The following CACNA1D variants were observed in gnomAD, a reference collection of about 807,000 sequenced individuals.
CACNA1D encodes the protein calcium voltage-gated channel subunit alpha1 D, also known as voltage-dependent L-type calcium channel subunit alpha-1D.
Under a neutral mutation model 257.1 loss-of-function variants are expected in CACNA1D, and 55 were observed. The ratio of observed to expected loss-of-function variants is 0.21; its 90% CI spans 0.17 to 0.27. The LOEUF (loss-of-function observed/expected upper bound fraction) is 0.27, where lower values mean the gene tolerates loss of function less well. Among genes scored for constraint, CACNA1D ranks in the 10% least tolerant of loss-of-function variants. The pLI is 1.00. For missense variants in CACNA1D, 1,876 were observed against 2,784.0 expected (o/e 0.67, Z 7.34); for synonymous variants, 980 against 1,014.9 (o/e 0.97, Z 0.65).
chr3:53,629,875 A>C (rs568005569), intron 3 of CACNA1D, among the ~76,000 whole-genome samples: 3 of 152,336 alleles, frequency 2.0e-5, no homozygotes, highest in Non-Finnish European at 2.9e-5. Context: ...ATTTAAATAC[A>C]TATTGCATTG....
intron 9 of CACNA1D, among the ~76,000 whole-genome samples, chr3:53,713,580 T>G (rs2094786852): frequency 6.7e-6 from 1 of 149,972 alleles, no homozygotes; most frequent in Non-Finnish European, 1.5e-5. Context: ...CCTGACACAT[T>G]TGGCTGAGAC....
intron 43 of CACNA1D, 120 bp from the exon 44 acceptor site, chr3:53,803,303 T>G (rs1576721308): frequency 1.2e-5 from 12 of 1,029,726 alleles, no homozygotes. Flanking sequence ...CTGAGGCAGG[T>G]GCGCGCTGGG....
chr3:53,654,351 A>G (rs549215036), intron 4 of CACNA1D, among the ~76,000 whole-genome samples: 22 of 152,364 alleles, frequency 1.4e-4, no homozygotes, highest in Admixed American at 5.2e-4. Flanking sequence ...AGCAAAAATA[A>G]TAACAGTGTA....
chr3:53,705,493 C>T (rs1182100037), intron 9 of CACNA1D, among the ~76,000 whole-genome samples: 1 of 152,152 alleles, frequency 6.6e-6, no homozygotes, highest in Non-Finnish European at 1.5e-5. Context: ...CTGCTATGCA[C>T]CGTGATGTGT....
chr3:53,737,185 G>A (rs898437689), intron 20 of CACNA1D, among the ~76,000 whole-genome samples: 1 of 151,166 alleles, frequency 6.6e-6, no homozygotes, highest in African/African-American at 2.4e-5. Context: ...CTGTAGTCCC[G>A]ACTACTCGGG....
chr3:53,719,734 C>A (rs1576454013), intron 10 of CACNA1D, 21 bp from the exon 11 acceptor site: 1 of 1,612,112 alleles, frequency 6.2e-7, no homozygotes. Flanking sequence ...AGAATCTTAA[C>A]ACTTTTTGTC....
chr3:53,590,994 G>A (rs901719661), intron 3 of CACNA1D, among the ~76,000 whole-genome samples: 5 of 152,146 alleles, frequency 3.3e-5, no homozygotes, highest in African/African-American at 1.2e-4. Context: ...CATTTGAGGA[G>A]GCACTGGACC....
chr3:53,638,397 G>A (rs2093910649), intron 3 of CACNA1D, among the ~76,000 whole-genome samples: 1 of 152,216 alleles, frequency 6.6e-6, no homozygotes, highest in South Asian at 2.1e-4. Context: ...TACATTGTGA[G>A]TATACTAACT....
intron 30 of CACNA1D, among the ~76,000 whole-genome samples, chr3:53,763,553 C>T (rs934288124): frequency 1.3e-5 from 2 of 152,138 alleles, no homozygotes; most frequent in South Asian, 2.1e-4. Flanking sequence ...AGAGAGTGGG[C>T]GGAGCACGGG....
At chr3:53,787,457 GTA>G (rs1553682651) in intron 40 of CACNA1D, among the ~76,000 whole-genome samples, 5 of 151,654 alleles carry the variant, frequency 3.3e-5, no homozygotes, top group African/African-American at 9.7e-5. Flanking sequence ...GTGTGTGTAT[GTA>G]TGTATGTGTG....
chr3:53,687,240 C>G (rs1320561258), intron 8 of CACNA1D, among the ~76,000 whole-genome samples: 2 of 152,054 alleles, frequency 1.3e-5, no homozygotes, highest in Non-Finnish European at 1.5e-5. Context: ...TTATAAATCT[C>G]AATAGCCTTT....
At chr3:53,587,592 G>C (rs993553833) in intron 3 of CACNA1D, among the ~76,000 whole-genome samples, 10 of 152,124 alleles carry the variant, frequency 6.6e-5, no homozygotes, top group African/African-American at 9.7e-5. Context: ...GTGGGCTGGA[G>C]GTGCAAATTC....
At chr3:53,500,114 G>A (rs969394137) in intron 2 of CACNA1D, among the ~76,000 whole-genome samples, 13 of 151,818 alleles carry the variant, frequency 8.6e-5, no homozygotes, top group Admixed American at 1.3e-4. Context: ...TCCAGAGGCC[G>A]GGCACAGTGG....
chr3:53,643,060 G>A (rs1312044408), intron 3 of CACNA1D, among the ~76,000 whole-genome samples: 2 of 152,176 alleles, frequency 1.3e-5, no homozygotes, highest in African/African-American at 4.8e-5. Flanking sequence ...AATCAGGAGG[G>A]GTAAATGTCT....
chr3:53,613,693 C>A (rs2093606799), intron 3 of CACNA1D, among the ~76,000 whole-genome samples: 1 of 152,030 alleles, frequency 6.6e-6, no homozygotes, highest in Non-Finnish European at 1.5e-5. Context: ...ATGGAAATGT[C>A]TTCTTGTCCC....
chr3:53,541,145 A>G (rs1479070012), intron 3 of CACNA1D, among the ~76,000 whole-genome samples: 1 of 152,242 alleles, frequency 6.6e-6, no homozygotes, highest in Non-Finnish European at 1.5e-5. Flanking sequence ...GAGTACATCT[A>G]TAAAGCAAAT....
At chr3:53,680,816 A>T (rs2094423055) in intron 8 of CACNA1D, among the ~76,000 whole-genome samples, 1 of 152,212 alleles carries the variant, frequency 6.6e-6, no homozygotes, top group African/African-American at 2.4e-5. Context: ...TGTCAACATT[A>T]TGCTTTTTTT....
At chr3:53,540,632 T>C (rs1030926299) in intron 3 of CACNA1D, among the ~76,000 whole-genome samples, 3 of 152,190 alleles carry the variant, frequency 2.0e-5, no homozygotes, top group African/African-American at 7.2e-5. Context: ...AAAGAAATAA[T>C]AGTGTCACAT....
chr3:53,775,422 C>A (rs972305722), intron 34 of CACNA1D, among the ~76,000 whole-genome samples: 8 of 152,068 alleles, frequency 5.3e-5, no homozygotes, highest in Non-Finnish European at 8.8e-5. Context: ...ACTAAAAATA[C>A]AAAAATTAGC....
Sources: allele counts gnomAD v4.1 joint callset (sites outside exome capture counted in the v4.1 genomes callset), GRCh38; gene constraint gnomAD v4.1.1; transcripts MANE v1.5; gene names NCBI Gene and HGNC (gene_info 2026-07-23, HGNC 2026-07-21).